The following GDA variants were observed in gnomAD, a reference collection of about 807,000 sequenced individuals.
GDA encodes the protein guanine deaminase, also known as cytoplasmic PSD-95 interactor.
In GDA, 18 loss-of-function variants were observed where a neutral mutation model predicts 59.6. The ratio of observed to expected loss-of-function variants is 0.30; its 90% CI spans 0.21 to 0.45. The LOEUF is 0.45. Ranked by LOEUF, GDA falls within the 20% of genes least tolerant of loss-of-function variation. The probability of loss-of-function intolerance (pLI) is 1.00; values close to 1 mark genes in which losing one functional copy is unlikely to be tolerated. For missense variants in GDA, 427 were observed against 552.3 expected, an observed-to-expected ratio of 0.77 and a Z score of 2.27; for synonymous variants, 201 against 201.1, an observed-to-expected ratio of 1.00 and a Z score of 0.00.
chr9:72,166,750 G>A (rs1171471606), intron 1 of GDA, among the ~76,000 whole-genome samples: 2 of 151,816 alleles, frequency 1.3e-5, no homozygotes, highest in African/African-American at 4.8e-5. Flanking sequence ...CCACCTTTTT[G>A]TTCACACTCT....
Position 72,223,220 on chromosome 9 carries a change from A to G in GDA, c.707A>G (p.His236Arg). 6.3e-7 allele frequency: 1 copy of G among 1,591,436 alleles called. No individual in the cohort carries two copies. Among genetic ancestry groups the G allele is most frequent in the Non-Finnish European group, 8.6e-7 (1 of 1,159,458 alleles). ...LGNIAKTRDL[H>R]IQSHISENRD... ...AACATTGCTAAAACCCGTGATTTGC[A>G]CATTCAGGTGGGTATTCTTCTTCTC... The change falls in exon 7 of 14, where the codon CAC becomes CGC. Residue 236 changes from histidine (H) to arginine (R), a missense_variant. Coordinates refer to ENST00000358399, the MANE Select transcript of GDA (RefSeq NM_004293.5).
At position 72,247,437 on chromosome 9, in the gene GDA, G is replaced by A; in HGVS notation, c.1294+4G>A. 1.4e-6 allele frequency: 2 copies of A among 1,430,164 alleles called. No individual in the cohort carries two copies. Among genetic ancestry groups the A allele is most frequent in the South Asian group, 1.1e-5 (1 of 87,330 alleles). The allele number at this position is 1,430,164 out of a possible 1,614,324, so 88.6% of individuals were successfully genotyped here. ...ATCCAGAAGTTCCTCTATCTAGGTA[G>A]GTAGATGCATGTCTCTATGCTAAAT... On this transcript the variant is annotated splice_donor_region_variant and intron_variant, in intron 13 of 13. Coordinates refer to ENST00000358399, the MANE Select transcript of GDA (RefSeq NM_004293.5).
intron 1 of GDA, among the ~76,000 whole-genome samples, chr9:72,152,758 G>A (rs1250259012): frequency 1.7e-4 from 26 of 148,616 alleles, no homozygotes; most frequent in South Asian, 1.3e-3. Flanking sequence ...CACTCTGATG[G>A]TAGTTTCTTT....
At chr9:72,229,143 G>C (rs1258835739) in intron 9 of GDA, 1 of 139,584 alleles carries the variant, frequency 7.2e-6, no homozygotes, top group Non-Finnish European at 1.4e-5. Context: ...AGACCATCCC[G>C]GCTAACACGG....
At chr9:72,136,209 T>G (rs1045362760) in intron 1 of GDA, among the ~76,000 whole-genome samples, 1 of 152,212 alleles carries the variant, frequency 6.6e-6, no homozygotes, top group African/African-American at 2.4e-5. Flanking sequence ...AGCTAGATAC[T>G]GTGGCCTATA....
chr9:72,152,245 C>T (rs1827303338), intron 1 of GDA, among the ~76,000 whole-genome samples: 1 of 152,218 alleles, frequency 6.6e-6, no homozygotes, highest in Non-Finnish European at 1.5e-5. Context: ...ACAAAGCTTA[C>T]TCTGTCCTTC....
chr9:72,237,373 C>A (rs1839128312), intron 10 of GDA, among the ~76,000 whole-genome samples: 1 of 152,204 alleles, frequency 6.6e-6, no homozygotes, highest in South Asian at 2.1e-4. Flanking sequence ...ATTGACTGTT[C>A]TCTCCATTGT....
intron 1 of GDA, among the ~76,000 whole-genome samples, chr9:72,162,001 C>A (rs1828693048): frequency 6.6e-6 from 1 of 152,230 alleles, no homozygotes; most frequent in Non-Finnish European, 1.5e-5. Context: ...GAGTTTTTCT[C>A]CTGAGCTATT....
Position 72,250,979 on chromosome 9 carries a change from G to A in GDA, c.*2637G>A, listed in dbSNP as rs1400677645. The A allele has an allele frequency of 4.5e-6, 3 of 669,680 alleles. No homozygotes were observed. The highest frequency in any genetic ancestry group is 7.6e-6 in the Non-Finnish European group (3 of 393,854). 41.5% of individuals were successfully genotyped at this position (669,680 alleles called of 1,614,324 possible). On this transcript the variant is annotated 3_prime_UTR_variant, in exon 14 of 14. Transcript: ENST00000358399. ...AACATGGGAAGTAAAAGATTAGGAT[G>A]TGAAAGGTTGTCCTAAACAGACCAA...
intron 1 of GDA, among the ~76,000 whole-genome samples, chr9:72,182,444 T>C (rs1353294332): frequency 6.6e-6 from 1 of 152,212 alleles, no homozygotes; most frequent in African/African-American, 2.4e-5. Context: ...TTCCTCATGA[T>C]TAGATTCAGG....
At chr9:72,158,110 ATTC>A (rs1410606691) in intron 1 of GDA, among the ~76,000 whole-genome samples, 2 of 152,220 alleles carry the variant, frequency 1.3e-5, no homozygotes, top group African/African-American at 4.8e-5. Context: ...CAAAGGCTTT[ATTC>A]CCAAGTTGAA....
Position 72,247,763 on chromosome 9 carries a change from A to ATAG in GDA, c.1294+334_1294+336dup, listed in dbSNP as rs1325603647. On this transcript the variant is annotated intron_variant, in intron 13 of 13. Coordinates refer to ENST00000358399, the MANE Select transcript of GDA (RefSeq NM_004293.5). ...CCTGCCATGTTTTTGTGACAAATGT[A>ATAG]TAGTAGAGTCTCACCACACGTGCTG... is the stretch of plus-strand genomic sequence containing the variant. Among the ~76,000 whole-genome samples, 8 of 152,320 alleles carry ATAG rather than the reference A, an allele frequency of 5.3e-5. No individual in the cohort carries two copies. The South Asian group carries it at 1.5e-3, about 28-fold the overall frequency.
chr9:72,249,933 A>G lies in GDA; in HGVS notation c.*1591A>G. The G allele has an allele frequency of 2.1e-6, 2 of 945,722 alleles. No homozygotes were observed. The highest frequency in any genetic ancestry group is 2.5e-6 in the Non-Finnish European group (2 of 793,830). 58.6% of individuals were successfully genotyped at this position (945,722 alleles called of 1,614,324 possible). On this transcript the variant is annotated 3_prime_UTR_variant, in exon 14 of 14. Coordinates refer to ENST00000358399, the MANE Select transcript of GDA (RefSeq NM_004293.5). ...GCCCAGTTTTTTCCCTAATAGAAATACTTTTAGATTTGATTATGTATACAT... is the reference window on the plus strand; with the variant it reads ...GCCCAGTTTTTTCCCTAATAGAAATGCTTTTAGATTTGATTATGTATACAT...
At chr9:72,199,119 T>G (rs1030995439) in intron 2 of GDA, among the ~76,000 whole-genome samples, 2 of 152,114 alleles carry the variant, frequency 1.3e-5, no homozygotes, top group African/African-American at 4.8e-5. Flanking sequence ...GAACCGAGTT[T>G]GAATCCTAGC....
At chr9:72,169,531 T>A (rs1829714907) in intron 1 of GDA, among the ~76,000 whole-genome samples, 1 of 152,214 alleles carries the variant, frequency 6.6e-6, no homozygotes, top group African/African-American at 2.4e-5. Flanking sequence ...ATGTGGCTAC[T>A]CTGAATGCAT....
intron 1 of GDA, among the ~76,000 whole-genome samples, chr9:72,139,131 T>C (rs951280528): frequency 4.6e-5 from 7 of 152,164 alleles, no homozygotes; most frequent in African/African-American, 1.7e-4. Context: ...CAAGTAAAAA[T>C]TTGATGAACA....
chr9:72,217,338 A>G (rs538523133), intron 5 of GDA, among the ~76,000 whole-genome samples: 1 of 152,322 alleles, frequency 6.6e-6, no homozygotes, highest in Admixed American at 6.5e-5. Context: ...CTCCTGTGGT[A>G]CAGTAGTGCT....
chr9:72,197,647 A>T (rs775002069), intron 2 of GDA: 1 of 152,154 alleles, frequency 6.6e-6, no homozygotes, highest in African/African-American at 2.4e-5. Context: ...GGTCGTATGT[A>T]AGTACTGCAC....
chr9:72,149,328 G>A, upstream of GDA: 2 of 539,734 alleles, frequency 3.7e-6, no homozygotes, highest in Non-Finnish European at 6.5e-6. Context: ...ACACCCCACG[G>A]GAGCGCGGAG....
Sources: allele counts gnomAD v4.1 joint callset (sites outside exome capture counted in the v4.1 genomes callset), GRCh38; gene constraint gnomAD v4.1.1; transcripts MANE v1.5; gene names NCBI Gene and HGNC (gene_info 2026-07-23, HGNC 2026-07-21).